CFAP69: variants seen among roughly 807,000 people sequenced by gnomAD.
CFAP69 encodes cilia- and flagella-associated protein 69.
CFAP69 carries 92 observed loss-of-function variants against 123.0 expected under a neutral mutation model. The ratio of observed to expected loss-of-function variants is 0.75; its 90% CI spans 0.63 to 0.89. The LOEUF is 0.89. Among genes scored for constraint, CFAP69 ranks in the 40% least tolerant of loss-of-function variants. CFAP69 has a pLI of 0.00. For missense variants in CFAP69, 1,067 were observed against 1,096.9 expected (o/e 0.97, Z 0.39); for synonymous variants, 380 against 364.3 (o/e 1.04, Z -0.49).
At chr7:90,291,635 G>A (rs1243581630) in intron 15 of CFAP69, among the ~76,000 whole-genome samples, 1 of 152,014 alleles carries the variant, frequency 6.6e-6, no homozygotes, top group African/African-American at 2.4e-5. Flanking sequence ...TAATCCTTAG[G>A]GTTGCAGAGG....
At chr7:90,272,705 C>G (rs1400228665) in intron 8 of CFAP69, among the ~76,000 whole-genome samples, 2 of 152,080 alleles carry the variant, frequency 1.3e-5, no homozygotes, top group African/African-American at 4.8e-5. Context: ...CCTCCTCTCT[C>G]TACATTGTCT....
In CFAP69 at chr7:90,282,293, G is replaced by A. The variant is rs563291342; in HGVS notation, c.1373-599G>A. 3.3e-4 allele frequency among the ~76,000 whole-genome samples: 50 copies of A among 152,184 alleles called. 1 individual carries two copies. The highest frequency in any genetic ancestry group is 5.9e-4 in the Non-Finnish European group (40 of 68,022). ...GAGCCCAGGAGATTGAGACTTCAAT[G>A]AGCTGTGATCATACCACTGCACTCT... On this transcript the variant is annotated intron_variant, in intron 12 of 22. Coordinates refer to ENST00000389297, the MANE Select transcript of CFAP69 (RefSeq NM_001039706.3).
intron 1 of CFAP69, among the ~76,000 whole-genome samples, chr7:90,248,469 C>G (rs1021173173): frequency 1.3e-5 from 2 of 152,134 alleles, no homozygotes; most frequent in African/African-American, 2.4e-5. Context: ...TCTATCTAAG[C>G]TACTACAAAT....
At chr7:90,294,260 G>T (rs1389470938) in intron 15 of CFAP69, among the ~76,000 whole-genome samples, 1 of 152,096 alleles carries the variant, frequency 6.6e-6, no homozygotes, top group Non-Finnish European at 1.5e-5. Context: ...TACCTGATCT[G>T]CATAATTTAC....
chr7:90,286,259 T>C (rs748367028), intron 13 of CFAP69, 22 bp from the exon 14 acceptor site: 57 of 1,568,240 alleles, frequency 3.6e-5, no homozygotes, highest in Admixed American at 2.3e-4. Flanking sequence ...AACTATACAG[T>C]CTTTAAATGT....
At chr7:90,303,832 C>T (rs978172803) in intron 17 of CFAP69, 137 bp from the exon 18 acceptor site, 57 of 1,233,178 alleles carry the variant, frequency 4.6e-5, no homozygotes, top group Admixed American at 1.2e-4. Context: ...AAAGTGTAAC[C>T]GTGTAATAGG....
At chr7:90,248,035 G>T (rs1299610785) in intron 1 of CFAP69, among the ~76,000 whole-genome samples, 1 of 152,154 alleles carries the variant, frequency 6.6e-6, no homozygotes, top group Non-Finnish European at 1.5e-5. Flanking sequence ...AAAGCTAAGG[G>T]ATTCTCTAGA....
intron 3 of CFAP69, among the ~76,000 whole-genome samples, chr7:90,261,545 G>A (rs938352533): frequency 1.5e-4 from 23 of 152,126 alleles, no homozygotes; most frequent in African/African-American, 5.3e-4. Context: ...TGCTTATTCT[G>A]AGACAGCATA....
At chr7:90,304,639 A>ATAAG (rs1793290724) in intron 18 of CFAP69, 105 bp from the exon 19 acceptor site, 2 of 1,409,642 alleles carry the variant, frequency 1.4e-6, no homozygotes, top group Admixed American at 3.1e-5. Context: ...TTGTTTTTAG[A>ATAAG]TAGGTAGATA....
Position 90,277,221 on chromosome 7 carries a change from C to A in CFAP69, c.1042C>A (p.Gln348Lys). The change falls in exon 11 of 23, where the codon CAA becomes AAA. Residue 348 changes from glutamine (Q) to lysine (K), a missense_variant. Coordinates refer to ENST00000389297, the MANE Select transcript of CFAP69 (RefSeq NM_001039706.3). ...LFATFNEVKSQNLLVKGLKLS... is the reference protein window; with the variant it reads ...LFATFNEVKSKNLLVKGLKLS... Reference sequence around the variant, plus strand: ...CTTTTTTTCCCTCACAGTTAAAAGTCAAAATCTTTTGGTAAAAGGACTTAA... The same window carrying A: ...CTTTTTTTCCCTCACAGTTAAAAGTAAAAATCTTTTGGTAAAAGGACTTAA... The A allele has an allele frequency of 6.3e-7, 1 of 1,586,328 alleles. No individual in the cohort carries two copies. Among genetic ancestry groups the A allele is most frequent in the South Asian group, 1.2e-5 (1 of 85,472 alleles).
intron 1 of CFAP69, among the ~76,000 whole-genome samples, chr7:90,253,245 G>A (rs1402162440): frequency 2.0e-5 from 3 of 152,150 alleles, no homozygotes; most frequent in Non-Finnish European, 4.4e-5. Context: ...CAGGTAGCAA[G>A]GCATTAACCC....
chr7:90,322,445 A>G, the CFAP69 span: 9 of 152,184 alleles, frequency 5.9e-5, no homozygotes, highest in Non-Finnish European at 1.0e-4. Flanking sequence ...CACCCTCCCA[A>G]GGAATTTGTC....
At chr7:90,270,174 G>C (rs3747800) in intron 6 of CFAP69, 1 of 151,858 alleles carries the variant, frequency 6.6e-6, no homozygotes, top group African/African-American at 2.4e-5. Context: ...AGTTGAAAGA[G>C]ACATAGCCCT....
chr7:90,259,954 A>C (rs919304431), intron 3 of CFAP69, among the ~76,000 whole-genome samples: 1 of 152,206 alleles, frequency 6.6e-6, no homozygotes, highest in Admixed American at 6.5e-5. Context: ...CATAGACCAC[A>C]CTTTGAATAG....
chr7:90,316,880 A>G, the CFAP69 span: 1 of 152,226 alleles, frequency 6.6e-6, no homozygotes, highest in Admixed American at 6.5e-5. Flanking sequence ...TTGTCATGAC[A>G]ACTATGAGTG....
At chr7:90,272,074 C>A in intron 8 of CFAP69, 116 bp downstream of exon 8, 1 of 978,730 alleles carries the variant, frequency 1.0e-6, no homozygotes, top group Non-Finnish European at 1.5e-6. Context: ...CATGTAATGG[C>A]TATGTTTCAG....
In CFAP69 at chr7:90,307,081, C is replaced by CA. The variant is rs1240040224; in HGVS notation, c.2451dup (p.Val818SerfsTer16). On this transcript the variant is annotated frameshift_variant, in exon 20 of 23. Coordinates refer to ENST00000389297, the MANE Select transcript of CFAP69 (RefSeq NM_001039706.3). LOFTEE classifies it high-confidence loss of function. ...AGCATGCCAAGACATGCAAAATGAA[C>CA]AAAAAGTATATGCAAAAGTAAGCTA... 1 of 1,609,780 alleles carries CA rather than the reference C, an allele frequency of 6.2e-7. No individual in the cohort carries two copies. The highest frequency in any genetic ancestry group is 1.1e-5 in the South Asian group (1 of 90,212).
chr7:90,322,390 T>C, the CFAP69 span: 1 of 152,230 alleles, frequency 6.6e-6, no homozygotes, highest in Non-Finnish European at 1.5e-5. Context: ...TTAGCAGAGA[T>C]GCAGAGTGAC....
rs1562832668 is a variant in CFAP69, at chr7:90,250,233, AGAC to A, written c.120+4690_120+4692del. On this transcript the variant is annotated intron_variant, in intron 1 of 22. Transcript: ENST00000389297. The stretch of plus-strand genomic sequence containing the variant: ...GAGAGAGAGAGAGAGAGAGAGAGAG[AGAC>A]TCCTTGGTTGTCCATTGAGGAGTCA... Among the ~76,000 whole-genome samples the A allele has an allele frequency of 4.3e-3, 585 of 135,460 alleles. 6 individuals carry two copies. The highest frequency in any genetic ancestry group is 0.014 in the African/African-American group (497 of 35,888). 88.9% of individuals were successfully genotyped at this position (135,460 alleles called of 152,430 possible). A position where few individuals can be genotyped will look rare whatever the true frequency, so the allele number is the denominator to read the frequency against.
Sources: gnomAD v4.1 joint callset for allele counts (sites outside exome capture counted in the v4.1 genomes callset) on GRCh38, gnomAD v4.1.1 for gene constraint, MANE v1.5 for transcripts, NCBI Gene and HGNC (gene_info 2026-07-23, HGNC 2026-07-21) for gene names.